CRB1: variants seen among roughly 807,000 people sequenced by gnomAD.
CRB1 encodes the protein crumbs cell polarity complex component 1.
Under a neutral mutation model 120.0 loss-of-function variants are expected in CRB1, and 83 were observed. The ratio of observed to expected loss-of-function variants is 0.69; its 90% CI spans 0.58 to 0.83. CRB1 has a LOEUF of 0.83. Among genes scored for constraint, CRB1 ranks in the 40% least tolerant of loss-of-function variants. The pLI, the probability that CRB1 is intolerant of heterozygous loss-of-function variation, is 0.00. For missense variants in CRB1, 1,699 were observed against 1,687.6 expected, an observed-to-expected ratio of 1.01 and a Z score of -0.12; for synonymous variants, 625 against 612.5, an observed-to-expected ratio of 1.02 and a Z score of -0.30.
Position 197,274,923 on chromosome 1 carries a change from A to T in CRB1, c.70+6441A>T, listed in dbSNP as rs138366487. Among the ~76,000 whole-genome samples the T allele has an allele frequency of 1.9e-3, 296 of 152,172 alleles. 1 individual carries two copies. The highest frequency in any genetic ancestry group is 6.9e-3 in the African/African-American group (287 of 41,558). On this transcript the variant is annotated intron_variant, in intron 1 of 11. Coordinates refer to ENST00000367400, the MANE Select transcript of CRB1 (RefSeq NM_201253.3). ...ACTACAAACTGGGTGGCTTAAAGCA[A>T]CATAAATGTATTCTCTCATAGCTCT...
chr1:197,386,595 T>G (rs1662228235), intron 5 of CRB1, among the ~76,000 whole-genome samples: 1 of 152,188 alleles, frequency 6.6e-6, no homozygotes, highest in African/African-American at 2.4e-5. Context: ...TTCCACATTT[T>G]ATTTCTCAGA....
At chr1:197,412,679 T>C (rs1663771622) in intron 5 of CRB1, among the ~76,000 whole-genome samples, 1 of 152,224 alleles carries the variant, frequency 6.6e-6, no homozygotes, top group South Asian at 2.1e-4. Context: ...CTGCTTAGGC[T>C]TCCCCACTAC....
intron 1 of CRB1, among the ~76,000 whole-genome samples, chr1:197,277,413 G>A (rs1400498720): frequency 6.6e-6 from 1 of 151,926 alleles, no homozygotes; most frequent in Non-Finnish European, 1.5e-5. Context: ...TGAGTTTACG[G>A]TTCAATCTCA....
At chr1:197,305,659 A>G (rs1053082324) in intron 1 of CRB1, among the ~76,000 whole-genome samples, 1 of 152,002 alleles carries the variant, frequency 6.6e-6, no homozygotes, top group Non-Finnish European at 1.5e-5. Context: ...CTGAATAACT[A>G]TTTGATATTT....
intron 11 of CRB1, chr1:197,443,337 C>A (rs1441533740): frequency 6.6e-6 from 1 of 151,858 alleles, no homozygotes; most frequent in African/African-American, 2.4e-5. Flanking sequence ...GGTATAATTT[C>A]TGATTCCATA....
At chr1:197,318,705 C>G (rs545824794) in intron 1 of CRB1, among the ~76,000 whole-genome samples, 2 of 152,068 alleles carry the variant, frequency 1.3e-5, no homozygotes, top group Non-Finnish European at 2.9e-5. Context: ...ATGGATGAAC[C>G]TGGATGACAT....
intron 5 of CRB1, chr1:197,357,920 C>A (rs1267304122): frequency 6.6e-6 from 1 of 152,056 alleles, no homozygotes; most frequent in African/African-American, 2.4e-5. Flanking sequence ...GGAGAACATA[C>A]AGTAAAAAAA....
At chr1:197,211,679 G>A in the CRB1 span, among the ~76,000 whole-genome samples, 1 of 152,094 alleles carries the variant, frequency 6.6e-6, no homozygotes, top group African/African-American at 2.4e-5. Context: ...TATAAAATTT[G>A]GGGGTTATTT....
At chr1:197,243,115 A>T in the CRB1 span, among the ~76,000 whole-genome samples, 166 of 150,982 alleles carry the variant, frequency 1.1e-3, no homozygotes, top group East Asian at 3.1e-3. Context: ...TAATCTTTTT[A>T]AAAAAAACCA....
chr1:197,307,534 G>A (rs542681603), intron 1 of CRB1, among the ~76,000 whole-genome samples: 2 of 152,250 alleles, frequency 1.3e-5, no homozygotes, highest in East Asian at 3.9e-4. Flanking sequence ...GAAAATGCAG[G>A]AACTGTGAGA....
At chr1:197,430,243 A>G (rs927308991) in intron 8 of CRB1, among the ~76,000 whole-genome samples, 2 of 152,188 alleles carry the variant, frequency 1.3e-5, no homozygotes, top group African/African-American at 4.8e-5. Flanking sequence ...CCCACTAACT[A>G]TACTGTTATT....
At chr1:197,389,674 T>C (rs1662395368) in intron 5 of CRB1, among the ~76,000 whole-genome samples, 2 of 151,906 alleles carry the variant, frequency 1.3e-5, no homozygotes, top group Non-Finnish European at 1.5e-5. Context: ...CTTAAAATGA[T>C]GAAATGTCAA....
At chr1:197,382,009 T>G (rs1661982166) in intron 5 of CRB1, among the ~76,000 whole-genome samples, 1 of 152,164 alleles carries the variant, frequency 6.6e-6, no homozygotes, top group Non-Finnish European at 1.5e-5. Context: ...TTCGAACACA[T>G]AAGGTGTGCC....
At chr1:197,230,376 TG>T in the CRB1 span, among the ~76,000 whole-genome samples, 2 of 152,214 alleles carry the variant, frequency 1.3e-5, no homozygotes, top group African/African-American at 4.8e-5. Flanking sequence ...GAATATGCGT[TG>T]CATTAATAAG....
At chr1:197,314,754 G>T (rs1003242476) in intron 1 of CRB1, among the ~76,000 whole-genome samples, 3 of 152,098 alleles carry the variant, frequency 2.0e-5, no homozygotes, top group Non-Finnish European at 2.9e-5. Context: ...AGGCCTTTCT[G>T]GTTTCTCAAT....
At chr1:197,215,047 C>T in the CRB1 span, among the ~76,000 whole-genome samples, 5 of 152,110 alleles carry the variant, frequency 3.3e-5, no homozygotes, top group African/African-American at 1.2e-4. Flanking sequence ...AAAAGTGACA[C>T]ATTAACAGAA....
At chr1:197,312,466 C>T (rs942824913) in intron 1 of CRB1, among the ~76,000 whole-genome samples, 4 of 152,104 alleles carry the variant, frequency 2.6e-5, no homozygotes, top group Non-Finnish European at 5.9e-5. Context: ...ACTTGTAATC[C>T]GAGCCATCAG....
chr1:197,294,397 A>ATTAGAAAG (rs1479819603), intron 1 of CRB1, among the ~76,000 whole-genome samples: 1 of 150,918 alleles, frequency 6.6e-6, no homozygotes, highest in Non-Finnish European at 1.5e-5. Flanking sequence ...AATGGCGATC[A>ATTAGAAAG]TCAGGAAATA....
intron 1 of CRB1, among the ~76,000 whole-genome samples, chr1:197,286,707 T>G (rs1341981512): frequency 1.3e-5 from 2 of 151,926 alleles, no homozygotes; most frequent in African/African-American, 4.8e-5. Flanking sequence ...GACCACTGGC[T>G]GCCTTGGATG....
Sources: gnomAD v4.1 joint callset for allele counts (sites outside exome capture counted in the v4.1 genomes callset) on GRCh38, gnomAD v4.1.1 for gene constraint, MANE v1.5 for transcripts, NCBI Gene and HGNC (gene_info 2026-07-23, HGNC 2026-07-21) for gene names.